The following FARP2 variants were observed in gnomAD, a reference collection of about 807,000 sequenced individuals.
FARP2 encodes the protein FERM, ARHGEF and pleckstrin domain-containing protein 2.
A neutral mutation model predicts 130.5 loss-of-function variants in FARP2; 111 were observed. That is an observed-to-expected ratio of 0.85 (90% CI 0.73 to 1.00). The LOEUF (loss-of-function observed/expected upper bound fraction) is 1.00. FARP2 is among the 50% of genes least tolerant of loss of function. The probability of loss-of-function intolerance (pLI) is 0.00; values close to 1 mark genes in which losing one functional copy is unlikely to be tolerated. For synonymous variants in FARP2, 504 were observed against 516.9 expected (o/e 0.98, Z 0.34); for missense variants, 1,385 against 1,346.3 (o/e 1.03, Z -0.45).
rs776692602 is a variant in FARP2 at position 241,494,164 on chromosome 2, C to G, written c.*39C>G. 2 of 1,278,756 alleles carry G rather than the reference C, an allele frequency of 1.6e-6. No individual in the cohort carries two copies. Among genetic ancestry groups the G allele is most frequent in the African/African-American group, 3.1e-5 (2 of 63,918 alleles). The allele number at this position is 1,278,756 out of a possible 1,614,324, so 79.2% of individuals were successfully genotyped here. A position where few individuals can be genotyped will look rare whatever the true frequency, so the allele number is the denominator to read the frequency against. On this transcript the variant is annotated 3_prime_UTR_variant, in exon 27 of 27. Transcript: ENST00000264042. The surrounding 1 kb of genome is among the most constrained non-coding windows in gnomAD (Gnocchi z 4.9). ...CAGGTTTGGACACAACTACAAAGAACAGCAGGACACAGAGGTGACCTCTGT... is the reference window on the plus strand; with the variant it reads ...CAGGTTTGGACACAACTACAAAGAAGAGCAGGACACAGAGGTGACCTCTGT...
At position 241,468,167 on chromosome 2, in the gene FARP2, G is replaced by A. The variant is rs763257916; in HGVS notation, c.1921G>A (p.Asp641Asn). The A allele has an allele frequency of 3.7e-6, 6 of 1,613,918 alleles. No individual in the cohort carries two copies. The Admixed American group carries it at 1.0e-4, about 27-fold the overall frequency. Residue 641 changes from aspartate (D) to asparagine (N), a missense_variant, in exon 18 of 27, where the codon GAC becomes AAC. By Grantham distance (23) the Asp-to-Asn change is conservative. Transcript: ENST00000264042. Reference sequence around the variant, plus strand: ...GTTTACCAGCTACTTCCAAAGACATGACGAGGTCCTAACAGAACTGGAAAA... The same window carrying A: ...GTTTACCAGCTACTTCCAAAGACATAACGAGGTCCTAACAGAACTGGAAAA... ...KEFTSYFQRHDEVLTELEKAT... is the reference protein window; with the variant it reads ...KEFTSYFQRHNEVLTELEKAT...
intron 1 of FARP2, among the ~76,000 whole-genome samples, chr2:241,359,527 C>T (rs987197938): frequency 6.6e-6 from 1 of 152,228 alleles, no homozygotes; most frequent in Non-Finnish European, 1.5e-5. Flanking sequence ...CCTTTCCCAG[C>T]TGCTCCTGCA....
chr2:241,455,689 AT>A (rs2063813105), intron 13 of FARP2, among the ~76,000 whole-genome samples: 1 of 141,462 alleles, frequency 7.1e-6, no homozygotes, highest in South Asian at 2.3e-4. Context: ...GCCTTTGGTG[AT>A]TTTTAAACAG....
intron 8 of FARP2, among the ~76,000 whole-genome samples, chr2:241,418,752 T>C (rs2062739493): frequency 6.6e-6 from 1 of 152,172 alleles, no homozygotes; most frequent in African/African-American, 2.4e-5. Context: ...TCCAAGAAGC[T>C]TAAGTGTGAC....
rs1194888946 is a variant in FARP2, at chr2:241,402,880, ATTTTTTTTTT to A, written c.184-926_184-917del. ...TATATATATATATATATATATATATATTTTTTTTTTTTTTTTTTTTTTTTTTTTTTTGTAG... is the reference window on the plus strand; with the variant it reads ...TATATATATATATATATATATATATATTTTTTTTTTTTTTTTTTTTTGTAG... On this transcript the variant is annotated intron_variant, in intron 2 of 26. Transcript: ENST00000264042. Among the ~76,000 whole-genome samples, 7 of 9,730 alleles carry A rather than the reference ATTTTTTTTTT, an allele frequency of 7.2e-4. No homozygotes were observed. In the South Asian group the frequency reaches 0.014, roughly 20 times the overall value. The allele number at this position is 9,730 out of a possible 152,430, so 6.4% of individuals were successfully genotyped here.
intron 2 of FARP2, among the ~76,000 whole-genome samples, chr2:241,385,599 A>G (rs1559720057): frequency 6.6e-6 from 1 of 152,120 alleles, no homozygotes; most frequent in Non-Finnish European, 1.5e-5. Context: ...TCACGCCTGT[A>G]GTCCCAGCTA....
rs567975331 is a variant in FARP2 at position 241,383,474 on chromosome 2, C to T, written c.183+10184C>T. 9.2e-5 allele frequency among the ~76,000 whole-genome samples: 14 copies of T among 152,126 alleles called. No homozygotes were observed. The South Asian group carries it at 1.0e-3, about 11-fold the overall frequency. On this transcript the variant is annotated intron_variant, in intron 2 of 26. Coordinates refer to ENST00000264042, the MANE Select transcript of FARP2 (RefSeq NM_014808.4). ...GCCATTAGGTGACCCCCATCTGGCACGTTTGGGGATTAGCAAGAGACCATG... is the reference window on the plus strand; with the variant it reads ...GCCATTAGGTGACCCCCATCTGGCATGTTTGGGGATTAGCAAGAGACCATG...
intron 8 of FARP2, among the ~76,000 whole-genome samples, chr2:241,430,404 G>C (rs1432303756): frequency 6.6e-6 from 1 of 152,140 alleles, no homozygotes; most frequent in Non-Finnish European, 1.5e-5. Context: ...CCATTGCTTT[G>C]TGGGGTATCA....
rs1574771719 is a variant in FARP2 at position 241,413,254 on chromosome 2, C to A, written c.509-53C>A. 7.8e-6 allele frequency: 9 copies of A among 1,148,220 alleles called. No homozygotes were observed. In the East Asian group the frequency reaches 2.3e-4, roughly 29 times the overall value. The allele number at this position is 1,148,220 out of a possible 1,614,324, so 71.1% of individuals were successfully genotyped here. ...CTTTTAATGTATGCAATGACACATA[C>A]AAATGCTTGTAGTTTATTTAAAAAT... On this transcript the variant is annotated intron_variant, in intron 6 of 26. Coordinates refer to ENST00000264042, the MANE Select transcript of FARP2 (RefSeq NM_014808.4).
chr2:241,426,190 G>A (rs920492044), intron 8 of FARP2, among the ~76,000 whole-genome samples: 7 of 152,182 alleles, frequency 4.6e-5, no homozygotes, highest in African/African-American at 1.7e-4. Context: ...TACCAGAGCA[G>A]AGGGCAGGGC....
At chr2:241,480,298 G>C (rs891198890) in intron 19 of FARP2, among the ~76,000 whole-genome samples, 4 of 152,176 alleles carry the variant, frequency 2.6e-5, no homozygotes, top group African/African-American at 9.7e-5. Flanking sequence ...CCAGCATTAG[G>C]ACTTACCACC....
intron 2 of FARP2, among the ~76,000 whole-genome samples, chr2:241,403,415 T>C (rs2062244656): frequency 6.6e-6 from 1 of 152,038 alleles, no homozygotes; most frequent in Non-Finnish European, 1.5e-5. Context: ...GGTGTCACTG[T>C]ATTGCCTAGG....
chr2:241,407,455 C>T (rs1248710420), intron 4 of FARP2, 82 bp from the exon 5 acceptor site: 4 of 1,012,228 alleles, frequency 4.0e-6, no homozygotes, highest in Non-Finnish European at 6.2e-6. Context: ...GGAAGCATGA[C>T]CTCAGTTATA....
At chr2:241,407,030 G>C (rs1010817454) in intron 4 of FARP2, among the ~76,000 whole-genome samples, 9 of 151,302 alleles carry the variant, frequency 5.9e-5, no homozygotes, top group South Asian at 2.1e-4. Context: ...GGATGGTCTC[G>C]ATCTCCTGAC....
At position 241,434,304 on chromosome 2, in the gene FARP2, C is replaced by T. The variant is rs2063164434; in HGVS notation, c.1014C>T (p.Gly338=). 1 of 1,612,274 alleles carries T rather than the reference C, an allele frequency of 6.2e-7. No individual in the cohort carries two copies. The highest frequency in any genetic ancestry group is 8.5e-7 in the Non-Finnish European group (1 of 1,179,370). ...PKAKAVFFSR[G]SSFRYSGRTQ... Reference sequence around the variant, plus strand: ...CAAAAGCCGTCTTCTTCAGCCGGGGCTCCTCCTTCAGATACAGGTAGGGGC... The same window carrying T: ...CAAAAGCCGTCTTCTTCAGCCGGGGTTCCTCCTTCAGATACAGGTAGGGGC... The change falls in exon 10 of 27, where the codon GGC becomes GGT. Residue 338 remains glycine (G), a synonymous_variant. Coordinates refer to ENST00000264042, the MANE Select transcript of FARP2 (RefSeq NM_014808.4).
intron 2 of FARP2, among the ~76,000 whole-genome samples, chr2:241,398,187 G>A (rs2062077923): frequency 6.6e-6 from 1 of 152,102 alleles, no homozygotes; most frequent in African/African-American, 2.4e-5. Flanking sequence ...GAAAGTGCAT[G>A]TGTCTTATGT....
intron 15 of FARP2, 128 bp downstream of exon 15, chr2:241,462,740 A>G: frequency 1.5e-6 from 1 of 653,748 alleles, no homozygotes; most frequent in Non-Finnish European, 2.7e-6. Flanking sequence ...CCCAGGCTGG[A>G]GTGCGGTGGC....
Position 241,491,342 on chromosome 2 carries a change from T to G in FARP2, c.2623+163T>G, listed in dbSNP as rs982657539. ...CCTCATGCCTGGGCGGGAAGAGGTG[T>G]CAATCAGCTGCTCTGGCAGAAGCAC... On this transcript the variant is annotated intron_variant, in intron 23 of 26. Coordinates refer to ENST00000264042, the MANE Select transcript of FARP2 (RefSeq NM_014808.4). Among the ~76,000 whole-genome samples the G allele has an allele frequency of 2.0e-5, 3 of 151,880 alleles. No individual in the cohort carries two copies. In the East Asian group the frequency reaches 5.8e-4, roughly 29 times the overall value.
intron 17 of FARP2, among the ~76,000 whole-genome samples, chr2:241,464,434 G>C (rs796655105): frequency 6.8e-6 from 1 of 147,130 alleles, no homozygotes; most frequent in Non-Finnish European, 1.5e-5. Context: ...TCCCCTCAGA[G>C]CAGGGGACCC....
Sources: allele counts gnomAD v4.1 joint callset (sites outside exome capture counted in the v4.1 genomes callset), GRCh38; gene constraint gnomAD v4.1.1; non-coding constraint Gnocchi (gnomAD v3.1); transcripts MANE v1.5; gene names NCBI Gene and HGNC (gene_info 2026-07-23, HGNC 2026-07-21).